Variants in HLCS observed in about 807,000 individuals in gnomAD.
The protein encoded by HLCS is holocarboxylase synthetase, also known as biotin--protein ligase.
HLCS carries 53 observed loss-of-function variants against 75.0 expected under a neutral mutation model. The ratio of observed to expected loss-of-function variants is 0.71; its 90% CI spans 0.57 to 0.89. HLCS has a LOEUF of 0.89. HLCS is among the 40% of genes least tolerant of loss of function. HLCS has a pLI of 0.00. For synonymous variants in HLCS, 431 were observed against 428.6 expected, an observed-to-expected ratio of 1.01 and a Z score of -0.07; for missense variants, 966 against 1,074.0, an observed-to-expected ratio of 0.90 and a Z score of 1.41.
intron 6 of HLCS, among the ~76,000 whole-genome samples, chr21:36,825,015 T>TA (rs1240821706): frequency 6.6e-6 from 1 of 152,176 alleles, no homozygotes; most frequent in Non-Finnish European, 1.5e-5. Flanking sequence ...GACTTTGACA[T>TA]AAAAATGTTC....
In HLCS at chr21:36,812,400, C is replaced by T. The variant is rs77105683; in HGVS notation, c.1893-45115G>A. 4.6e-3 allele frequency among the ~76,000 whole-genome samples: 700 copies of T among 152,282 alleles called. 6 individuals are homozygous for T. Among genetic ancestry groups the T allele is most frequent in the African/African-American group, 0.016 (678 of 41,562 alleles). On this transcript the variant is annotated intron_variant, in intron 6 of 10. Coordinates refer to ENST00000674895, the MANE Select transcript of HLCS (RefSeq NM_001352514.2). ...CCTATCCTTTCTGTCACTTACGGTACGCTTTATCCTTTGATTTTTGATCAA... is the reference window on the plus strand; with the variant it reads ...CCTATCCTTTCTGTCACTTACGGTATGCTTTATCCTTTGATTTTTGATCAA...
At chr21:36,890,415 G>T (rs1206526440) in intron 6 of HLCS, among the ~76,000 whole-genome samples, 1 of 152,138 alleles carries the variant, frequency 6.6e-6, no homozygotes, top group Non-Finnish European at 1.5e-5. Flanking sequence ...CAGATTCCTG[G>T]GGAAAGCGCA....
At chr21:36,838,708 GA>G (rs55987643) in intron 6 of HLCS, among the ~76,000 whole-genome samples, 42,686 of 107,614 alleles carry the variant, frequency 0.4, 6,175 homozygotes, top group Middle Eastern at 0.45. Flanking sequence ...CGTCTCAAAA[GA>G]AAAAAAAAAA....
intron 6 of HLCS, among the ~76,000 whole-genome samples, chr21:36,798,131 G>A (rs2061085075): frequency 6.6e-6 from 1 of 152,206 alleles, no homozygotes; most frequent in African/African-American, 2.4e-5. Flanking sequence ...CACAAAGGAT[G>A]GAGGTAGTAG....
At chr21:36,915,050 T>C (rs74945403) in intron 5 of HLCS, among the ~76,000 whole-genome samples, 5,744 of 152,282 alleles carry the variant, frequency 0.038, 326 homozygotes, top group African/African-American at 0.13. Context: ...ACACGTTCCC[T>C]TCCTTCTGAT....
intron 6 of HLCS, among the ~76,000 whole-genome samples, chr21:36,855,971 G>A (rs1452730387): frequency 6.6e-6 from 1 of 152,090 alleles, no homozygotes; most frequent in South Asian, 2.1e-4. Context: ...GAGGTGAAAG[G>A]CCGCATGTTA....
chr21:36,925,823 T>C (rs2066379872), intron 5 of HLCS, among the ~76,000 whole-genome samples: 1 of 152,240 alleles, frequency 6.6e-6, no homozygotes, highest in Non-Finnish European at 1.5e-5. Context: ...GGCAGCTAGC[T>C]TCTCAACTGG....
rs2068606370 is a variant in HLCS at position 36,966,646 on chromosome 21, C to T, written c.-8G>A. 4.1e-6 allele frequency: 4 copies of T among 980,098 alleles called. No individual in the cohort carries two copies. Among genetic ancestry groups the T allele is most frequent in the Non-Finnish European group, 4.8e-6 (4 of 827,142 alleles). 60.7% of individuals were successfully genotyped at this position (980,098 alleles called of 1,614,324 possible). On this transcript the variant is annotated 5_prime_UTR_variant, in exon 1 of 11. Coordinates refer to ENST00000674895, the MANE Select transcript of HLCS (RefSeq NM_001352514.2). ...GCACAGCGTGATGAGCATGGCCGCGCCGCCGGCAGGGCGAGCCCGCCTTGC... is the reference window on the plus strand; with the variant it reads ...GCACAGCGTGATGAGCATGGCCGCGTCGCCGGCAGGGCGAGCCCGCCTTGC...
intron 6 of HLCS, among the ~76,000 whole-genome samples, chr21:36,816,006 C>T (rs2061653585): frequency 6.6e-6 from 1 of 152,162 alleles, no homozygotes; most frequent in African/African-American, 2.4e-5. Context: ...CAAATGTGGA[C>T]ACTGGTCTGG....
chr21:36,937,155 T>C lies in HLCS; in HGVS notation c.731A>G (p.Glu244Gly). Residue 244 changes from glutamate to glycine, a missense_variant, in exon 4 of 11, where the codon GAG becomes GGG. Transcript: ENST00000674895. ...GDSDRGGGPV[E>G]HYHLHLSSCH... is the part of the protein sequence containing the mutation. The stretch of plus-strand genomic sequence containing the variant: ...ACTAGACAGATGGAGGTGATAATGC[T>C]CAACGGGGCCCCCTCCCCTGTCACT... 6.2e-7 allele frequency: 1 copy of C among 1,614,156 alleles called. No individual in the cohort carries two copies. The highest frequency in any genetic ancestry group is 8.5e-7 in the Non-Finnish European group (1 of 1,180,028).
intron 5 of HLCS, among the ~76,000 whole-genome samples, chr21:36,907,006 C>T (rs1245295584): frequency 6.6e-6 from 1 of 152,112 alleles, no homozygotes; most frequent in Non-Finnish European, 1.5e-5. Context: ...AATTCCTGAG[C>T]TCAAGCCAAC....
chr21:36,775,436 A>C lies in HLCS; in HGVS notation c.1893-8151T>G, dbSNP rs2060327343. Among the ~76,000 whole-genome samples the C allele has an allele frequency of 2.6e-5, 4 of 152,226 alleles. No homozygotes were observed. In the South Asian group the frequency reaches 8.3e-4, roughly 31 times the overall value. On this transcript the variant is annotated intron_variant, in intron 6 of 10. Coordinates refer to ENST00000674895, the MANE Select transcript of HLCS (RefSeq NM_001352514.2). ...CTGCGCATCCACTGCCTTCTATCTT[A>C]AACTGGTGCTATTACAGAATTTACA...
At chr21:36,861,551 TA>T (rs926692232) in intron 6 of HLCS, among the ~76,000 whole-genome samples, 14 of 152,160 alleles carry the variant, frequency 9.2e-5, no homozygotes, top group African/African-American at 3.1e-4. Context: ...TTTCACCCTC[TA>T]CCCTCCAGTA....
chr21:36,883,781 C>A (rs868844992), intron 6 of HLCS, among the ~76,000 whole-genome samples: 1 of 152,204 alleles, frequency 6.6e-6, no homozygotes, highest in African/African-American at 2.4e-5. Flanking sequence ...ACAGCACCAC[C>A]TGCTCTGACC....
chr21:36,909,764 C>T (rs547104343), intron 5 of HLCS, among the ~76,000 whole-genome samples: 31 of 152,240 alleles, frequency 2.0e-4, no homozygotes, highest in Admixed American at 1.2e-3. Flanking sequence ...TAGAGCGGTT[C>T]CACCCCTGTT....
At chr21:36,768,085 T>C (rs1368041669) in intron 6 of HLCS, among the ~76,000 whole-genome samples, 1 of 152,262 alleles carries the variant, frequency 6.6e-6, no homozygotes, top group Non-Finnish European at 1.5e-5. Flanking sequence ...GGTAGGACAG[T>C]TCCTCTCTAC....
chr21:36,942,398 C>CAAAAAAAAA (rs55999516), intron 2 of HLCS, among the ~76,000 whole-genome samples: 1 of 80,974 alleles, frequency 1.2e-5, no homozygotes, highest in African/African-American at 5.1e-5. Context: ...GACTCCGTCT[C>CAAAAAAAAA]AAAAAAAAAA....
At position 36,765,214 on chromosome 21, in the gene HLCS, G is replaced by A. The variant is rs148390664; in HGVS notation, c.1961-42C>T. The A allele has an allele frequency of 2.3e-3, 3,701 of 1,600,378 alleles. 14 individuals carry two copies. Among genetic ancestry groups the A allele is most frequent in the Non-Finnish European group, 2.5e-3 (2,906 of 1,167,772 alleles). On this transcript the variant is annotated intron_variant, in intron 7 of 10. Transcript: ENST00000674895. ...AGTGGGAAACATGCTACCTTGCCAC[G>A]TGGACAGACGCAGACACACGTCATG...
chr21:36,904,040 C>T (rs2065348093), intron 5 of HLCS, among the ~76,000 whole-genome samples: 1 of 152,124 alleles, frequency 6.6e-6, no homozygotes, highest in Non-Finnish European at 1.5e-5. Flanking sequence ...GATGCTGGCA[C>T]CACACTCTTG....
Sources: allele counts gnomAD v4.1 joint callset (sites outside exome capture counted in the v4.1 genomes callset), GRCh38; gene constraint gnomAD v4.1.1; transcripts MANE v1.5; gene names NCBI Gene and HGNC (gene_info 2026-07-23, HGNC 2026-07-21).